Variants in ESR1 observed in about 807,000 individuals in gnomAD.
ESR1 encodes estrogen receptor.
ESR1 carries 12 observed loss-of-function variants against 52.7 expected under a neutral mutation model. That is an observed-to-expected ratio of 0.23 (90% CI 0.15 to 0.37). The LOEUF (loss-of-function observed/expected upper bound fraction) is 0.37, where lower values mean the gene tolerates loss of function less well. Ranked by LOEUF, ESR1 falls within the 10% of genes least tolerant of loss-of-function variation. The pLI, the probability that ESR1 is intolerant of heterozygous loss-of-function variation, is 1.00. For synonymous variants in ESR1, 305 were observed against 316.8 expected (o/e 0.96, Z 0.39); for missense variants, 584 against 779.7 (o/e 0.75, Z 2.99).
At chr6:152,001,391 A>G (rs1295359489) in intron 4 of ESR1, among the ~76,000 whole-genome samples, 1 of 152,030 alleles carries the variant, frequency 6.6e-6, no homozygotes, top group Non-Finnish European at 1.5e-5. Flanking sequence ...CTTTGTAACT[A>G]TGAGACTAAT....
intron 6 of ESR1, among the ~76,000 whole-genome samples, chr6:152,077,676 C>G (rs1444912897): frequency 2.0e-5 from 3 of 152,190 alleles, no homozygotes; most frequent in Non-Finnish European, 4.4e-5. Context: ...TCAGCATGAC[C>G]TGGATGTGAG....
chr6:152,010,524 T>A (rs1383580606), intron 4 of ESR1, among the ~76,000 whole-genome samples: 2 of 152,028 alleles, frequency 1.3e-5, no homozygotes, highest in Non-Finnish European at 1.5e-5. Context: ...GGCAAAAGAA[T>A]AGGGGGCTGA....
At chr6:151,671,908 C>T (rs928136029) in intron 1 of ESR1, among the ~76,000 whole-genome samples, 1 of 152,176 alleles carries the variant, frequency 6.6e-6, no homozygotes, top group South Asian at 2.1e-4. Flanking sequence ...AGGGGAATTG[C>T]TCGAACCCAG....
intron 6 of ESR1, among the ~76,000 whole-genome samples, chr6:152,072,059 G>A (rs1440141617): frequency 6.0e-5 from 9 of 148,876 alleles, no homozygotes; most frequent in Admixed American, 5.9e-4. Context: ...ACAGAGGAGA[G>A]TTATGGAGGG....
rs545644680 is a variant in ESR1, at chr6:151,819,682, C to A, written c.452+11318C>A. On this transcript the variant is annotated intron_variant, in intron 1 of 7. Coordinates refer to ENST00000206249, the MANE Select transcript of ESR1 (RefSeq NM_000125.4). ...ACTGAATCTACATTATGGTGAGTTGCATAATTATTTCATTATATGTTACAG... is the reference window on the plus strand; with the variant it reads ...ACTGAATCTACATTATGGTGAGTTGAATAATTATTTCATTATATGTTACAG... Among the ~76,000 whole-genome samples the A allele has an allele frequency of 2.6e-5, 4 of 152,190 alleles. No individual in the cohort carries two copies. In the South Asian group the frequency reaches 6.2e-4, roughly 24 times the overall value.
chr6:151,950,307 C>A (rs2036190609), intron 4 of ESR1, among the ~76,000 whole-genome samples: 1 of 152,064 alleles, frequency 6.6e-6, no homozygotes, highest in South Asian at 2.1e-4. Context: ...CTTGTGGTGT[C>A]CCCAGGGCAC....
At chr6:151,750,791 G>A (rs1376658029) in intron 2 of ESR1, among the ~76,000 whole-genome samples, 3 of 152,106 alleles carry the variant, frequency 2.0e-5, no homozygotes, top group African/African-American at 7.2e-5. Flanking sequence ...TTTTATGACT[G>A]TGATTAGAAA....
chr6:151,850,077 A>ATTATATATATATAT (rs1562474397), intron 2 of ESR1, among the ~76,000 whole-genome samples: 17 of 71,512 alleles, frequency 2.4e-4, no homozygotes, highest in Non-Finnish European at 4.6e-4. Flanking sequence ...TATATATAAA[A>ATTATATATATATAT]AATTATATAT....
intron 3 of ESR1, among the ~76,000 whole-genome samples, chr6:151,899,033 A>ACC (rs1430775301): frequency 8.9e-6 from 1 of 112,746 alleles, no homozygotes; most frequent in Admixed American, 8.6e-5. Flanking sequence ...GGGGGGCTGA[A>ACC]CCCCCACCTC....
intron 5 of ESR1, among the ~76,000 whole-genome samples, chr6:152,023,721 A>C (rs2043884852): frequency 6.6e-6 from 1 of 152,126 alleles, no homozygotes; most frequent in African/African-American, 2.4e-5. Context: ...CACTTAATTT[A>C]TTTTCTCCAG....
intron 6 of ESR1, among the ~76,000 whole-genome samples, chr6:152,090,121 C>T (rs1025136265): frequency 6.6e-6 from 1 of 152,088 alleles, no homozygotes; most frequent in Non-Finnish European, 1.5e-5. Context: ...TGGTGTTCAT[C>T]GGACGGTCAG....
Position 151,819,281 on chromosome 6 carries a change from G to A in ESR1, c.452+10917G>A, listed in dbSNP as rs1780169022. On this transcript the variant is annotated intron_variant, in intron 1 of 7. Transcript: ENST00000206249. ...TCCTTTCATTTTAGTTGTAAATAGAGTTGTCTTCCCCCTCTATGGAATAGA... is the reference window on the plus strand; with the variant it reads ...TCCTTTCATTTTAGTTGTAAATAGAATTGTCTTCCCCCTCTATGGAATAGA... Among the ~76,000 whole-genome samples, 6 of 152,240 alleles carry A rather than the reference G, an allele frequency of 3.9e-5. No homozygotes were observed. In the South Asian group the frequency reaches 1.2e-3, roughly 32 times the overall value.
At chr6:151,792,447 A>AT (rs950926808) in intron 2 of ESR1, among the ~76,000 whole-genome samples, 18 of 150,952 alleles carry the variant, frequency 1.2e-4, no homozygotes, top group African/African-American at 3.4e-4. Context: ...ATAAACTTTA[A>AT]TTTTTTTTTA....
At chr6:152,096,161 T>C (rs2050592205) in intron 7 of ESR1, among the ~76,000 whole-genome samples, 1 of 152,192 alleles carries the variant, frequency 6.6e-6, no homozygotes, top group Non-Finnish European at 1.5e-5. Context: ...CAATGGGTGA[T>C]GAAGCCACAA....
chr6:151,955,273 A>G (rs1482933339), intron 4 of ESR1, among the ~76,000 whole-genome samples: 1 of 152,192 alleles, frequency 6.6e-6, no homozygotes, highest in African/African-American at 2.4e-5. Context: ...CATAGAAGCA[A>G]TATTTTTTAA....
chr6:151,721,084 A>C (rs563163944), intron 2 of ESR1, among the ~76,000 whole-genome samples: 1 of 152,230 alleles, frequency 6.6e-6, no homozygotes, highest in South Asian at 2.1e-4. Flanking sequence ...CCACATCAAT[A>C]AAGCACTATG....
chr6:151,774,090 G>A (rs1785750002), intron 2 of ESR1, among the ~76,000 whole-genome samples: 1 of 152,194 alleles, frequency 6.6e-6, no homozygotes, highest in Non-Finnish European at 1.5e-5. Flanking sequence ...ATGGCACATT[G>A]TCATTAGGGA....
At chr6:152,027,025 G>A (rs369946899) in intron 5 of ESR1, among the ~76,000 whole-genome samples, 88 of 151,642 alleles carry the variant, frequency 5.8e-4, no homozygotes, top group African/African-American at 2.0e-3. Flanking sequence ...GGAGTGCAAT[G>A]GCACGATCTC....
chr6:151,756,036 T>G (rs1784259989), intron 2 of ESR1, among the ~76,000 whole-genome samples: 1 of 152,234 alleles, frequency 6.6e-6, no homozygotes, highest in South Asian at 2.1e-4. Context: ...TGCTACCCCT[T>G]GAGTGCATTG....
Sources: allele counts gnomAD v4.1 joint callset (sites outside exome capture counted in the v4.1 genomes callset), GRCh38; gene constraint gnomAD v4.1.1; transcripts MANE v1.5; gene names NCBI Gene and HGNC (gene_info 2026-07-23, HGNC 2026-07-21).